Variants in FSTL4 observed in about 807,000 individuals in gnomAD.
The protein encoded by FSTL4 is follistatin like 4.
Under a neutral mutation model 78.2 loss-of-function variants are expected in FSTL4, and 28 were observed. The observed-to-expected ratio is 0.36, with a 90% CI of 0.27 to 0.49. FSTL4 has a LOEUF of 0.49. Among genes scored for constraint, FSTL4 ranks in the 20% least tolerant of loss-of-function variants. The pLI, the probability that FSTL4 is intolerant of heterozygous loss-of-function variation, is 0.98. For synonymous variants in FSTL4, 422 were observed against 440.5 expected (o/e 0.96, Z 0.53); for missense variants, 922 against 1,084.9 (o/e 0.85, Z 2.11).
At position 133,233,329 on chromosome 5, in the gene FSTL4, G is replaced by T. The variant is rs561752878; in HGVS notation, c.1015+88C>A. ...TTGGGGTTAGATATTTCTTTAAGAAGACAGAATACAGGAGGGGGCGAGGGT... is the reference window on the plus strand; with the variant it reads ...TTGGGGTTAGATATTTCTTTAAGAATACAGAATACAGGAGGGGGCGAGGGT... On this transcript the variant is annotated intron_variant, in intron 8 of 15. Transcript: ENST00000265342. The T allele has an allele frequency of 1.8e-5, 26 of 1,406,706 alleles. No homozygotes were observed. In the East Asian group the frequency reaches 5.0e-4, roughly 27 times the overall value. 87.1% of individuals were successfully genotyped at this position (1,406,706 alleles called of 1,614,324 possible). A position where few individuals can be genotyped will look rare whatever the true frequency, so the allele number is the denominator to read the frequency against.
the FSTL4 span, among the ~76,000 whole-genome samples, chr5:133,746,803 C>G: frequency 1.3e-5 from 2 of 152,162 alleles, no homozygotes; most frequent in African/African-American, 4.8e-5. Context: ...TTGCCTAAAA[C>G]AGCAAATCTA....
the FSTL4 span, among the ~76,000 whole-genome samples, chr5:133,796,562 C>G: frequency 6.6e-6 from 1 of 152,138 alleles, no homozygotes; most frequent in Non-Finnish European, 1.5e-5. Context: ...TCCCCTGGAG[C>G]ATGACTGTCC....
rs1050162189 is a variant in FSTL4 at position 133,426,373 on chromosome 5, C to T, written c.161-25387G>A. Among the ~76,000 whole-genome samples the T allele has an allele frequency of 5.3e-5, 8 of 152,158 alleles. No individual in the cohort carries two copies. Among genetic ancestry groups the T allele is most frequent in the African/African-American group, 1.9e-4 (8 of 41,420 alleles). ...CAGGACCAGTGGCTTGGGTCTCCTG[C>T]ATAATGAGCCCATGTCACTTCATGG... On this transcript the variant is annotated intron_variant, in intron 3 of 15. Transcript: ENST00000265342. The surrounding 1 kb of genome is among the most constrained non-coding windows in gnomAD (Gnocchi z 5.0).
chr5:133,814,693 T>A, the FSTL4 span, among the ~76,000 whole-genome samples: 1 of 152,044 alleles, frequency 6.6e-6, no homozygotes, highest in African/African-American at 2.4e-5. Context: ...CAAACAACTA[T>A]GTTGAGAGCG....
chr5:133,549,623 T>A (rs139542810), intron 3 of FSTL4, among the ~76,000 whole-genome samples: 1 of 138,788 alleles, frequency 7.2e-6, no homozygotes, highest in Admixed American at 7.2e-5. Context: ...ATTCCTTGGA[T>A]GGAAAACTGT....
the FSTL4 span, among the ~76,000 whole-genome samples, chr5:133,789,257 A>C: frequency 6.6e-6 from 1 of 152,206 alleles, no homozygotes; most frequent in South Asian, 2.1e-4. Flanking sequence ...AACCTCACCC[A>C]CATGTTTTCA....
chr5:133,507,989 T>A (rs2112884525), intron 3 of FSTL4, among the ~76,000 whole-genome samples: 1 of 152,280 alleles, frequency 6.6e-6, no homozygotes, highest in African/African-American at 2.4e-5. Flanking sequence ...AATGCATCAT[T>A]GGGTATTTTG....
At chr5:133,359,891 G>C (rs1475777705) in intron 4 of FSTL4, among the ~76,000 whole-genome samples, 1 of 152,170 alleles carries the variant, frequency 6.6e-6, no homozygotes, top group Non-Finnish European at 1.5e-5. Flanking sequence ...AGGAGGCCAG[G>C]GCAGGTGTGG....
the FSTL4 span, among the ~76,000 whole-genome samples, chr5:133,753,504 TGGA>T: frequency 1.3e-5 from 2 of 152,148 alleles, no homozygotes; most frequent in Non-Finnish European, 2.9e-5. Context: ...CTCGATGAGC[TGGA>T]GAAGATTCAC....
At chr5:133,536,004 G>A (rs985417772) in intron 3 of FSTL4, among the ~76,000 whole-genome samples, 5 of 152,022 alleles carry the variant, frequency 3.3e-5, no homozygotes, top group Non-Finnish European at 4.4e-5. Context: ...TCTTTCTTTC[G>A]CTATCACCAA....
At chr5:133,792,186 G>T in the FSTL4 span, among the ~76,000 whole-genome samples, 1 of 152,074 alleles carries the variant, frequency 6.6e-6, no homozygotes, top group Non-Finnish European at 1.5e-5. Flanking sequence ...GCTGACCTGT[G>T]TCCTCCCACT....
At chr5:133,576,859 C>A (rs1023270880) in intron 2 of FSTL4, among the ~76,000 whole-genome samples, 1 of 152,182 alleles carries the variant, frequency 6.6e-6, no homozygotes, top group African/African-American at 2.4e-5. Context: ...ATGAATGCTT[C>A]TTTAACAATC....
the FSTL4 span, among the ~76,000 whole-genome samples, chr5:133,787,125 C>G: frequency 1.3e-5 from 2 of 152,170 alleles, no homozygotes; most frequent in African/African-American, 4.8e-5. Context: ...AATCAGCAAG[C>G]ATTTTAGGGT....
At chr5:133,583,124 C>T in intron 2 of FSTL4, 1 of 378,552 alleles carries the variant, frequency 2.6e-6, no homozygotes, top group Non-Finnish European at 5.3e-6. Flanking sequence ...AGCAGCCCTG[C>T]TGCTGTCTCC....
chr5:133,377,267 C>G (rs943210963), intron 4 of FSTL4, among the ~76,000 whole-genome samples: 2 of 151,658 alleles, frequency 1.3e-5, no homozygotes, highest in African/African-American at 4.9e-5. Context: ...CCCCAGTTTA[C>G]TCATAGGACA....
chr5:133,490,133 G>GTT (rs572818952), intron 3 of FSTL4, among the ~76,000 whole-genome samples: 19 of 144,284 alleles, frequency 1.3e-4, no homozygotes, highest in Admixed American at 1.4e-4. Flanking sequence ...TTGCCTCATT[G>GTT]TTTTTTTTTT....
chr5:133,418,382 A>T (rs173678), intron 3 of FSTL4, among the ~76,000 whole-genome samples: 100,302 of 151,756 alleles, frequency 0.66, 33,254 homozygotes, highest in Middle Eastern at 0.69. Flanking sequence ...GCATAATTCA[A>T]GAAACAGGTC....
chr5:133,747,943 T>C, the FSTL4 span, among the ~76,000 whole-genome samples: 1 of 152,178 alleles, frequency 6.6e-6, no homozygotes, highest in Admixed American at 6.5e-5. Context: ...ACGCCTGTAA[T>C]CCTAGCACTG....
chr5:133,751,619 C>T, the FSTL4 span, among the ~76,000 whole-genome samples: 1 of 152,088 alleles, frequency 6.6e-6, no homozygotes, highest in African/African-American at 2.4e-5. Flanking sequence ...ATCGGTGGGG[C>T]GTCTGCAGCA....
Sources: gnomAD v4.1 joint callset for allele counts (sites outside exome capture counted in the v4.1 genomes callset) on GRCh38, gnomAD v4.1.1 for gene constraint, Gnocchi (gnomAD v3.1) non-coding constraint, MANE v1.5 for transcripts, NCBI Gene and HGNC (gene_info 2026-07-23, HGNC 2026-07-21) for gene names.